The following TASP1 variants were observed in gnomAD, a reference collection of about 807,000 sequenced individuals.
TASP1 encodes the protein taspase 1, also known as threonine aspartase 1.
TASP1 carries 16 observed loss-of-function variants against 56.6 expected under a neutral mutation model. The observed-to-expected ratio is 0.28, with a 90% CI of 0.19 to 0.43. TASP1 has a LOEUF of 0.43. TASP1 is among the 20% of genes least tolerant of loss of function. The probability of loss-of-function intolerance (pLI) is 1.00; values close to 1 mark genes in which losing one functional copy is unlikely to be tolerated. For missense variants in TASP1, 393 were observed against 511.6 expected, an observed-to-expected ratio of 0.77 and a Z score of 2.24; for synonymous variants, 179 against 184.2, an observed-to-expected ratio of 0.97 and a Z score of 0.23.
chr20:13,187,632 C>T, the TASP1 span, among the ~76,000 whole-genome samples: 4 of 150,668 alleles, frequency 2.7e-5, no homozygotes, highest in South Asian at 6.3e-4. Flanking sequence ...CCTGTAGTCC[C>T]AGCTACTCTG....
the TASP1 span, chr20:13,110,257 T>C: frequency 6.4e-7 from 1 of 1,551,384 alleles, no homozygotes; most frequent in Non-Finnish European, 8.9e-7. Context: ...CTCGGAGGCC[T>C]GCAGCAAGCT....
chr20:13,112,290 T>C, the TASP1 span, among the ~76,000 whole-genome samples: 2 of 152,204 alleles, frequency 1.3e-5, no homozygotes, highest in African/African-American at 4.8e-5. Context: ...GTACTGGCTC[T>C]CACCTGGAGT....
At chr20:13,507,581 G>A (rs1226082522) in intron 10 of TASP1, among the ~76,000 whole-genome samples, 1 of 151,704 alleles carries the variant, frequency 6.6e-6, no homozygotes, top group Non-Finnish European at 1.5e-5. Flanking sequence ...AGAAACTGAA[G>A]AAAAAAATAA....
intron 1 of TASP1, among the ~76,000 whole-genome samples, chr20:13,630,357 T>C (rs2147589205): frequency 6.6e-6 from 1 of 152,224 alleles, no homozygotes; most frequent in East Asian, 1.9e-4. Context: ...TTGGGTAATA[T>C]AAAAAGGTTA....
chr20:13,156,742 A>G, the TASP1 span, among the ~76,000 whole-genome samples: 4 of 152,336 alleles, frequency 2.6e-5, no homozygotes, highest in Admixed American at 2.6e-4. Flanking sequence ...AGTAGTTGGC[A>G]TGCCATAAGC....
chr20:13,313,771 A>G, the TASP1 span, among the ~76,000 whole-genome samples: 1 of 152,250 alleles, frequency 6.6e-6, no homozygotes, highest in South Asian at 2.1e-4. Context: ...CAGTTTAAAG[A>G]AACAGAGCAA....
chr20:13,235,427 C>T, the TASP1 span, among the ~76,000 whole-genome samples: 1 of 152,224 alleles, frequency 6.6e-6, no homozygotes, highest in Non-Finnish European at 1.5e-5. Flanking sequence ...AATCCTTACA[C>T]TTCTCTACAT....
chr20:13,152,738 A>G, the TASP1 span, among the ~76,000 whole-genome samples: 1 of 152,212 alleles, frequency 6.6e-6, no homozygotes, highest in Admixed American at 6.5e-5. Context: ...GAAAAGAGGA[A>G]GGGCAGGGCC....
the TASP1 span, among the ~76,000 whole-genome samples, chr20:13,286,694 G>A: frequency 6.6e-6 from 1 of 152,182 alleles, no homozygotes; most frequent in African/African-American, 2.4e-5. Context: ...TTAGTGGACT[G>A]AGGAGGCTCC....
At chr20:13,136,189 G>A in the TASP1 span, among the ~76,000 whole-genome samples, 3 of 152,054 alleles carry the variant, frequency 2.0e-5, no homozygotes, top group Admixed American at 2.0e-4. Flanking sequence ...GGTAAGGCAG[G>A]GGAGGGGACA....
the TASP1 span, among the ~76,000 whole-genome samples, chr20:13,151,858 T>C: frequency 2.6e-5 from 4 of 152,220 alleles, no homozygotes; most frequent in African/African-American, 7.2e-5. Context: ...TCAGGACCTC[T>C]ACCTAAAGTG....
the TASP1 span, among the ~76,000 whole-genome samples, chr20:13,336,498 T>G: frequency 6.6e-6 from 1 of 152,016 alleles, no homozygotes; most frequent in Non-Finnish European, 1.5e-5. Context: ...TCCTACACAC[T>G]TAGCTGCAAG....
At chr20:13,270,385 T>C in the TASP1 span, 2 of 1,145,534 alleles carry the variant, frequency 1.7e-6, no homozygotes, top group Non-Finnish European at 2.4e-6. Context: ...TGGAATGCCC[T>C]ACTGGCTTAA....
chr20:13,473,743 GA>G (rs982715734), intron 11 of TASP1, among the ~76,000 whole-genome samples: 1 of 151,918 alleles, frequency 6.6e-6, no homozygotes, highest in Non-Finnish European at 1.5e-5. Flanking sequence ...TGCTTCTTTT[GA>G]ACTCTTCAGC....
chr20:13,249,623 G>T, the TASP1 span, among the ~76,000 whole-genome samples: 11 of 152,170 alleles, frequency 7.2e-5, no homozygotes, highest in East Asian at 2.1e-3. Flanking sequence ...TCATAAAGTT[G>T]GTTTTAATCT....
the TASP1 span, among the ~76,000 whole-genome samples, chr20:13,360,406 T>C: frequency 6.6e-6 from 1 of 151,956 alleles, no homozygotes; most frequent in Non-Finnish European, 1.5e-5. Flanking sequence ...AAAATACATG[T>C]GCTCTCCCTG....
At chr20:13,338,425 T>C in the TASP1 span, among the ~76,000 whole-genome samples, 1 of 152,210 alleles carries the variant, frequency 6.6e-6, no homozygotes, top group Admixed American at 6.5e-5. Context: ...CTGTACCTTT[T>C]GCCAACCTCC....
the TASP1 span, among the ~76,000 whole-genome samples, chr20:13,316,158 A>G: frequency 3.3e-5 from 5 of 151,984 alleles, no homozygotes; most frequent in African/African-American, 1.2e-4. Flanking sequence ...AAGGAATACC[A>G]TGAATAACTC....
At chr20:13,165,244 G>A in the TASP1 span, 1 of 174,568 alleles carries the variant, frequency 5.7e-6, no homozygotes, top group African/African-American at 2.4e-5. Context: ...AGTTCACTAT[G>A]TGTTTACTTA....
Sources: gnomAD v4.1 joint callset for allele counts (sites outside exome capture counted in the v4.1 genomes callset) on GRCh38, gnomAD v4.1.1 for gene constraint, MANE v1.5 for transcripts, NCBI Gene and HGNC (gene_info 2026-07-23, HGNC 2026-07-21) for gene names.